The following RCHY1 variants were observed in gnomAD, a reference collection of about 807,000 sequenced individuals.
The protein encoded by RCHY1 is ring finger and CHY zinc finger domain containing 1, also known as RING finger and CHY zinc finger domain-containing protein 1.
RCHY1 carries 21 observed loss-of-function variants against 41.6 expected under a neutral mutation model. That is an observed-to-expected ratio of 0.51 (90% CI 0.36 to 0.73). RCHY1 has a LOEUF of 0.73. Among genes scored for constraint, RCHY1 ranks in the 30% least tolerant of loss-of-function variants. RCHY1 has a pLI of 0.00. For missense variants in RCHY1, 265 were observed against 325.3 expected, an observed-to-expected ratio of 0.81 and a Z score of 1.43; for synonymous variants, 79 against 102.9, an observed-to-expected ratio of 0.77 and a Z score of 1.41.
At chr4:75,503,572 G>A (rs1724003819) in intron 3 of RCHY1, among the ~76,000 whole-genome samples, 1 of 152,046 alleles carries the variant, frequency 6.6e-6, no homozygotes. Flanking sequence ...GCGAGTGCCT[G>A]TAATCCCAGC....
intron 1 of RCHY1, chr4:75,509,812 C>T (rs561592597): frequency 2.3e-5 from 4 of 170,486 alleles, no homozygotes; most frequent in East Asian, 3.4e-4. Context: ...GTAAGAAGTG[C>T]CTTTTGTCTC....
At chr4:75,498,719 A>G (rs1723454966) in intron 3 of RCHY1, among the ~76,000 whole-genome samples, 1 of 152,150 alleles carries the variant, frequency 6.6e-6, no homozygotes, top group Non-Finnish European at 1.5e-5. Context: ...ATGGTGCAGA[A>G]AAAAACAGGA....
intron 1 of RCHY1, among the ~76,000 whole-genome samples, chr4:75,510,704 T>C (rs1008565972): frequency 2.0e-5 from 3 of 152,242 alleles, no homozygotes; most frequent in Non-Finnish European, 2.9e-5. Flanking sequence ...CTTTGGTTTA[T>C]GTGGATTTTA....
chr4:75,493,862 C>T (rs1273281826), intron 4 of RCHY1, among the ~76,000 whole-genome samples: 1 of 151,676 alleles, frequency 6.6e-6, no homozygotes, highest in Non-Finnish European at 1.5e-5. Context: ...AAGTTGCCAA[C>T]ATTATGCTAG....
intron 8 of RCHY1, among the ~76,000 whole-genome samples, chr4:75,484,359 G>A (rs10032148): frequency 0.26 from 39,785 of 151,956 alleles, 5,354 homozygotes; most frequent in Non-Finnish European, 0.29. Context: ...TTCAGAAGTC[G>A]CAACAAAAAC....
intron 3 of RCHY1, among the ~76,000 whole-genome samples, chr4:75,504,696 G>A (rs1724128503): frequency 1.3e-5 from 2 of 152,140 alleles, no homozygotes; most frequent in Admixed American, 6.5e-5. Flanking sequence ...AGCAGTTACA[G>A]AGGACACTGA....
At position 75,514,385 on chromosome 4, in the gene RCHY1, C is replaced by A; in HGVS notation, c.-99G>T. On this transcript the variant is annotated 5_prime_UTR_variant, in exon 1 of 9. Transcript: ENST00000324439. ...TCTAGCACACCCCTCCCAGCCCCAG[C>A]GGCCACTAGCGACAATATGGCTCCT... is the stretch of plus-strand genomic sequence containing the variant. The A allele has an allele frequency of 5.2e-6, 7 of 1,333,742 alleles. No individual in the cohort carries two copies. The highest frequency in any genetic ancestry group is 7.1e-6 in the Non-Finnish European group (7 of 988,522). 82.6% of individuals were successfully genotyped at this position (1,333,742 alleles called of 1,614,324 possible). A position where few individuals can be genotyped will look rare whatever the true frequency, so the allele number is the denominator to read the frequency against.
chr4:75,513,955 C>A, intron 1 of RCHY1: 1 of 425,952 alleles, frequency 2.3e-6, no homozygotes, highest in Non-Finnish European at 4.0e-6. Flanking sequence ...GCAGAGACCA[C>A]TGTGCAAGCC....
chr4:75,485,882 G>A (rs1312534273), intron 8 of RCHY1, among the ~76,000 whole-genome samples: 1 of 152,136 alleles, frequency 6.6e-6, no homozygotes, highest in Non-Finnish European at 1.5e-5. Flanking sequence ...TTTTTATATT[G>A]TTAGTAAATA....
chr4:75,479,476 A>G lies in RCHY1; in HGVS notation c.*3062T>C, dbSNP rs1281273551. 6.6e-6 allele frequency: 1 copy of G among 152,124 alleles called. No homozygotes were observed. Among genetic ancestry groups the G allele is most frequent in the East Asian group, 1.9e-4 (1 of 5,194 alleles). The allele number at this position is 152,124 out of a possible 1,614,324, so 9.4% of individuals were successfully genotyped here. A position where few individuals can be genotyped will look rare whatever the true frequency, so the allele number is the denominator to read the frequency against. On this transcript the variant is annotated 3_prime_UTR_variant, in exon 9 of 9. Coordinates refer to ENST00000324439, the MANE Select transcript of RCHY1 (RefSeq NM_015436.4). ...AATTTAACATGTATATCATATGAAA[A>G]TAGGTTTTAGTGAAGAAATAAAAAC... is the stretch of plus-strand genomic sequence containing the variant.
chr4:75,514,455 C>G (rs766150066), upstream of RCHY1: 43 of 710,174 alleles, frequency 6.1e-5, 1 homozygote, highest in South Asian at 3.3e-4. Context: ...CCCGGGGCTA[C>G]GAGGCGGAAG....
intron 8 of RCHY1, among the ~76,000 whole-genome samples, chr4:75,483,460 A>T (rs968255748): frequency 2.6e-5 from 4 of 152,192 alleles, no homozygotes; most frequent in African/African-American, 9.6e-5. Context: ...AATGACTGCT[A>T]ATGGGTATGA....
At chr4:75,489,841 C>A (rs1359460034) in intron 8 of RCHY1, among the ~76,000 whole-genome samples, 3 of 152,158 alleles carry the variant, frequency 2.0e-5, no homozygotes, top group African/African-American at 7.2e-5. Context: ...GAAAGACTGC[C>A]TTTTCCACCT....
At position 75,509,218 on chromosome 4, in the gene RCHY1, C is replaced by T. The variant is rs1724633661; in HGVS notation, c.169G>A (p.Val57Met). The T allele has an allele frequency of 6.2e-7, 1 of 1,613,214 alleles. No individual in the cohort carries two copies. The highest frequency in any genetic ancestry group is 8.5e-7 in the Non-Finnish European group (1 of 1,179,518). The part of the protein sequence containing the change: ...NEDHQLDRFK[V>M]KEVQCINCEK... ...CAGTTTATGCACTGCACTTCCTTCA[C>T]TTTAAAGCGATCTAGTTGATGATCT... Residue 57 changes from valine to methionine, a missense_variant, in exon 2 of 9, where the codon GTG (valine) becomes ATG (methionine). By Grantham distance (21) the Val-to-Met change is conservative. Transcript: ENST00000324439.
At chr4:75,506,247 A>T (rs1047149642) in intron 3 of RCHY1, among the ~76,000 whole-genome samples, 1 of 152,108 alleles carries the variant, frequency 6.6e-6, no homozygotes, top group African/African-American at 2.4e-5. Context: ...CTGAAAAAAA[A>T]ATAGCATCGA....
Position 75,510,792 on chromosome 4 carries a change from C to T in RCHY1, c.91-1496G>A, listed in dbSNP as rs369145958. 4.2e-3 allele frequency among the ~76,000 whole-genome samples: 641 copies of T among 152,234 alleles called. 3 individuals carry two copies. The highest frequency in any genetic ancestry group is 0.015 in the African/African-American group (617 of 41,556). On this transcript the variant is annotated intron_variant, in intron 1 of 8. Transcript: ENST00000324439. ...TACTTCTTTTTAAAAGTAACAAACT[C>T]ATTACTTGTTAACATAAATAACATG...
chr4:75,481,590 A>G lies in RCHY1; in HGVS notation c.*948T>C, dbSNP rs1399782433. On this transcript the variant is annotated 3_prime_UTR_variant, in exon 9 of 9. Coordinates refer to ENST00000324439, the MANE Select transcript of RCHY1 (RefSeq NM_015436.4). ...CGCTTAGGGAAGAAATATTCTATTC[A>G]TTTACAATAAGACATCCACTCCTTG... 4.6e-5 allele frequency: 7 copies of G among 152,196 alleles called. No individual in the cohort carries two copies. The highest frequency in any genetic ancestry group is 1.7e-4 in the African/African-American group (7 of 41,458). 9.4% of individuals were successfully genotyped at this position (152,196 alleles called of 1,614,324 possible).
chr4:75,508,866 C>G lies in RCHY1; in HGVS notation c.280G>C (p.Asp94His). 6.2e-7 allele frequency: 1 copy of G among 1,611,608 alleles called. No individual in the cohort carries two copies. The highest frequency in any genetic ancestry group is 2.2e-5 in the East Asian group (1 of 44,682). Residue 94 changes from aspartate to histidine, a missense_variant, in exon 3 of 9, where the codon GAC (aspartate) becomes CAC (histidine). Asp to His is a moderately conservative substitution (Grantham distance 81, BLOSUM62 -1). Transcript: ENST00000324439. The part of the protein sequence containing the change: ...EYYCDICHLF[D>H]KDKKQYHCEN... ...CAGTGATACTGCTTCTTATCTTTGT[C>G]AAACAAATGGCATATATCGCAATAA...
chr4:75,512,915 G>C (rs949525674), intron 1 of RCHY1, among the ~76,000 whole-genome samples: 16 of 124,836 alleles, frequency 1.3e-4, no homozygotes, highest in South Asian at 6.0e-4. Flanking sequence ...GGGGGGGGGG[G>C]GCGGGGGAAG....
Sources: gnomAD v4.1 joint callset for allele counts (sites outside exome capture counted in the v4.1 genomes callset) on GRCh38, gnomAD v4.1.1 for gene constraint, MANE v1.5 for transcripts, NCBI Gene and HGNC (gene_info 2026-07-23, HGNC 2026-07-21) for gene names.